The following UBE2H variants were observed in gnomAD, a reference collection of about 807,000 sequenced individuals.
The protein encoded by UBE2H is ubiquitin-conjugating enzyme E2 H.
UBE2H carries 3 observed loss-of-function variants against 29.0 expected under a neutral mutation model. The ratio of observed to expected loss-of-function variants is 0.10; its 90% CI spans 0.05 to 0.27. The LOEUF is 0.27. UBE2H is among the 10% of genes least tolerant of loss of function. The pLI is 1.00. For synonymous variants in UBE2H, 69 were observed against 82.9 expected, an observed-to-expected ratio of 0.83 and a Z score of 0.91; for missense variants, 68 against 228.2, an observed-to-expected ratio of 0.30 and a Z score of 4.52.
intron 1 of UBE2H, among the ~76,000 whole-genome samples, chr7:129,911,196 C>G (rs574315354): frequency 1.2e-3 from 183 of 152,002 alleles, no homozygotes; most frequent in Non-Finnish European, 9.6e-4. Flanking sequence ...AACCCTGTCT[C>G]TACTAAAAAT....
intron 3 of UBE2H, among the ~76,000 whole-genome samples, chr7:129,861,264 T>C (rs1805796134): frequency 6.6e-6 from 1 of 152,042 alleles, no homozygotes; most frequent in African/African-American, 2.4e-5. Context: ...ATATTCCTTT[T>C]AAAAAGGGAC....
chr7:129,872,989 C>T (rs138334321), intron 3 of UBE2H, among the ~76,000 whole-genome samples: 186 of 151,682 alleles, frequency 1.2e-3, no homozygotes, highest in African/African-American at 4.2e-3. Flanking sequence ...ATAGTTTGAC[C>T]CAATTTTAAA....
chr7:129,916,102 A>G (rs1026042261), intron 1 of UBE2H, among the ~76,000 whole-genome samples: 7 of 152,196 alleles, frequency 4.6e-5, no homozygotes, highest in African/African-American at 1.7e-4. Flanking sequence ...ACATGCCTGC[A>G]CTTGTTAACT....
intron 1 of UBE2H, among the ~76,000 whole-genome samples, chr7:129,914,559 T>G (rs1447233998): frequency 1.3e-5 from 2 of 152,172 alleles, no homozygotes; most frequent in Non-Finnish European, 2.9e-5. Context: ...ATTACAGTAA[T>G]GTACTCTAAG....
intron 1 of UBE2H, among the ~76,000 whole-genome samples, chr7:129,893,132 C>T (rs576420729): frequency 5.9e-5 from 9 of 152,200 alleles, no homozygotes; most frequent in South Asian, 2.1e-4. Context: ...TCAACTGGTA[C>T]GAGTAAGGTT....
chr7:129,866,180 G>C (rs1805901583), intron 3 of UBE2H, among the ~76,000 whole-genome samples: 1 of 152,172 alleles, frequency 6.6e-6, no homozygotes. Context: ...AATGCCCTGT[G>C]TCATGGGAAC....
chr7:129,830,905 G>A lies in UBE2H; in HGVS notation c.*4032C>T, dbSNP rs1219495729. The A allele has an allele frequency of 2.7e-5, 4 of 150,496 alleles. No individual in the cohort carries two copies. Among genetic ancestry groups the A allele is most frequent in the South Asian group, 4.3e-4 (2 of 4,694 alleles). The allele number at this position is 150,496 out of a possible 1,614,324, so 9.3% of individuals were successfully genotyped here. On this transcript the variant is annotated 3_prime_UTR_variant, in exon 7 of 7. Coordinates refer to ENST00000355621, the MANE Select transcript of UBE2H (RefSeq NM_003344.4). ...GGAGACAGGGCGAGGAAAAATAAGC[G>A]ATAAAAAGCTTCAGATTTCAGTTAG...
At position 129,834,878 on chromosome 7, in the gene UBE2H, T is replaced by C. The variant is rs565590262; in HGVS notation, c.*59A>G. ...TTGCTTTGTTTAAATATGAATATTA[T>C]AGTCTGCTTCTCATGGTTAGGAAAT... On this transcript the variant is annotated 3_prime_UTR_variant, in exon 7 of 7. Coordinates refer to ENST00000355621, the MANE Select transcript of UBE2H (RefSeq NM_003344.4). 6.9e-6 allele frequency: 11 copies of C among 1,600,714 alleles called. No homozygotes were observed. In the African/African-American group the frequency reaches 8.1e-5, roughly 12 times the overall value.
chr7:129,932,421 C>G (rs968577044), intron 1 of UBE2H, among the ~76,000 whole-genome samples: 1 of 152,086 alleles, frequency 6.6e-6, no homozygotes, highest in African/African-American at 2.4e-5. Context: ...CCACGCCCAG[C>G]CTACTTTGCA....
chr7:129,920,525 A>G (rs1318037865), intron 1 of UBE2H, among the ~76,000 whole-genome samples: 1 of 152,164 alleles, frequency 6.6e-6, no homozygotes, highest in Non-Finnish European at 1.5e-5. Context: ...AATATCAATA[A>G]ATCTTAAAAG....
chr7:129,879,315 C>A lies in UBE2H; in HGVS notation c.205+253G>T, dbSNP rs532059469. ...CTTAAAGAACAGTGGGGCCTTAAAG[C>A]TGGTTTAATCTGACACCAAAAGACA... On this transcript the variant is annotated intron_variant, in intron 3 of 6. Transcript: ENST00000355621. Among the ~76,000 whole-genome samples the A allele has an allele frequency of 2.6e-5, 4 of 152,298 alleles. No individual in the cohort carries two copies. In the South Asian group the frequency reaches 8.3e-4, roughly 32 times the overall value.
chr7:129,881,101 A>C, intron 1 of UBE2H, 130 bp from the exon 2 acceptor site: 1 of 647,728 alleles, frequency 1.5e-6, no homozygotes, highest in Admixed American at 3.4e-5. Context: ...ATACATAATA[A>C]TTCTGGTAGT....
At chr7:129,851,118 C>G (rs1384668964) in intron 5 of UBE2H, among the ~76,000 whole-genome samples, 1 of 152,096 alleles carries the variant, frequency 6.6e-6, no homozygotes, top group African/African-American at 2.4e-5. Flanking sequence ...CCTTTCCCCC[C>G]AACATATTTA....
At chr7:129,888,261 A>G (rs987164116) in intron 1 of UBE2H, among the ~76,000 whole-genome samples, 4 of 152,264 alleles carry the variant, frequency 2.6e-5, no homozygotes, top group African/African-American at 9.6e-5. Context: ...AATGAGCATT[A>G]TCTTGGGAAA....
chr7:129,926,861 A>G (rs767347959), intron 1 of UBE2H, among the ~76,000 whole-genome samples: 8 of 152,166 alleles, frequency 5.3e-5, no homozygotes, highest in Non-Finnish European at 1.0e-4. Flanking sequence ...CAGCCCACAT[A>G]ATCTTGGTCA....
At chr7:129,900,203 T>C (rs1806681943) in intron 1 of UBE2H, among the ~76,000 whole-genome samples, 1 of 152,200 alleles carries the variant, frequency 6.6e-6, no homozygotes, top group African/African-American at 2.4e-5. Context: ...TCTTATTTCT[T>C]AGGTGGACCT....
intron 3 of UBE2H, among the ~76,000 whole-genome samples, chr7:129,876,754 T>C (rs546981736): frequency 6.6e-6 from 1 of 152,300 alleles, no homozygotes; most frequent in East Asian, 1.9e-4. Context: ...AATAATGGCA[T>C]CATAAGAATA....
chr7:129,841,713 G>T (rs956506220), intron 5 of UBE2H, among the ~76,000 whole-genome samples: 1 of 152,082 alleles, frequency 6.6e-6, no homozygotes, highest in African/African-American at 2.4e-5. Flanking sequence ...GACTTGGGGT[G>T]ATTTCATCAG....
At chr7:129,862,141 A>G (rs1805815383) in intron 3 of UBE2H, among the ~76,000 whole-genome samples, 1 of 152,174 alleles carries the variant, frequency 6.6e-6, no homozygotes, top group South Asian at 2.1e-4. Context: ...TACTGCAGGG[A>G]AGCTTTCTGA....
Sources: gnomAD v4.1 joint callset for allele counts (sites outside exome capture counted in the v4.1 genomes callset) on GRCh38, gnomAD v4.1.1 for gene constraint, MANE v1.5 for transcripts, NCBI Gene and HGNC (gene_info 2026-07-23, HGNC 2026-07-21) for gene names.